PDE4A: variants seen among roughly 807,000 people sequenced by gnomAD.
PDE4A encodes the protein 3',5'-cyclic-AMP phosphodiesterase 4A.
A neutral mutation model predicts 73.9 loss-of-function variants in PDE4A; 21 were observed. The ratio of observed to expected loss-of-function variants is 0.28; its 90% CI spans 0.20 to 0.41. The LOEUF is 0.41. Among genes scored for constraint, PDE4A ranks in the 10% least tolerant of loss-of-function variants. The pLI, the probability that PDE4A is intolerant of heterozygous loss-of-function variation, is 1.00. For missense variants in PDE4A, 958 were observed against 1,211.4 expected, an observed-to-expected ratio of 0.79 and a Z score of 3.10; for synonymous variants, 463 against 505.4, an observed-to-expected ratio of 0.92 and a Z score of 1.13.
chr19:10,466,444 CAAAAA>C (rs367836712), intron 14 of PDE4A, among the ~76,000 whole-genome samples: 3 of 63,474 alleles, frequency 4.7e-5, no homozygotes, highest in African/African-American at 1.8e-4. Context: ...GACTCCGTCT[CAAAAA>C]AAAAAAAAAA....
intron 1 of PDE4A, chr19:10,429,052 C>T (rs574669045): frequency 1.1e-5 from 2 of 178,612 alleles, no homozygotes; most frequent in African/African-American, 4.8e-5. Flanking sequence ...TTGCGGTGAG[C>T]CAAGATCGTG....
Position 10,427,605 on chromosome 19 carries a change from G to A in PDE4A, c.320+6521G>A, listed in dbSNP as rs1036011217. The A allele has an allele frequency of 3.0e-6, 3 of 985,260 alleles. No homozygotes were observed. In the African/African-American group the frequency reaches 5.2e-5, roughly 17 times the overall value. The allele number at this position is 985,260 out of a possible 1,614,324, so 61.0% of individuals were successfully genotyped here. A position where few individuals can be genotyped will look rare whatever the true frequency, so the allele number is the denominator to read the frequency against. On this transcript the variant is annotated intron_variant, in intron 1 of 14. Transcript: ENST00000380702. ...CTGGAAGGAAACTCATCCATAAAGG[G>A]CTTGTGTAGCCTCATGGCTAAAATT...
chr19:10,459,168 T>G (rs2043218574), intron 8 of PDE4A: 8 of 652,928 alleles, frequency 1.2e-5, no homozygotes, highest in Non-Finnish European at 2.0e-5. Flanking sequence ...GATCAAGTGC[T>G]TAGAGCAATA....
chr19:10,446,597 T>G (rs1183568739), intron 2 of PDE4A, among the ~76,000 whole-genome samples, 188 bp downstream of exon 2: 2 of 150,948 alleles, frequency 1.3e-5, no homozygotes, highest in African/African-American at 2.4e-5. Flanking sequence ...TTTTTTTTTT[T>G]CTTTTTTTCT....
intron 5 of PDE4A, 64 bp downstream of exon 5, chr19:10,450,716 C>T: frequency 1.3e-6 from 2 of 1,587,742 alleles, no homozygotes; most frequent in Non-Finnish European, 1.7e-6. Flanking sequence ...TCCCTCAGCC[C>T]CTTCCCCACC....
Position 10,423,069 on chromosome 19 carries a change from C to T in PDE4A, c.320+1985C>T, listed in dbSNP as rs1327480020. 1.1e-5 allele frequency: 11 copies of T among 983,258 alleles called. No individual in the cohort carries two copies. The East Asian group carries it at 8.0e-4, about 71-fold the overall frequency. The allele number at this position is 983,258 out of a possible 1,614,324, so 60.9% of individuals were successfully genotyped here. ...TCCATGCCAGGGACTTTTCCATATG[C>T]ATCCTCATCCCCAGTGCCCTGGGTA... is the stretch of plus-strand genomic sequence containing the variant. On this transcript the variant is annotated intron_variant, in intron 1 of 14. Coordinates refer to ENST00000380702, the MANE Select transcript of PDE4A (RefSeq NM_001111307.2).
Position 10,458,053 on chromosome 19 carries a change from A to T in PDE4A, c.1052A>T (p.Asn351Ile), listed in dbSNP as rs1253923527. ...LMHSNSLNNSNIPRFGVKTDQ... is the reference protein window; with the variant it reads ...LMHSNSLNNSIIPRFGVKTDQ... Reference sequence around the variant, plus strand: ...CATAGTAACAGCCTGAACAACTCTAACATTCCCCGATTTGGGGTGAAGACC... The same window carrying T: ...CATAGTAACAGCCTGAACAACTCTATCATTCCCCGATTTGGGGTGAAGACC... Residue 351 changes from asparagine to isoleucine, a missense_variant, in exon 8 of 15, where the codon AAC (asparagine) becomes ATC (isoleucine). Physicochemically the swap from Asn to Ile is moderately radical, Grantham distance 149. This residue lies in a region of PDE4A where 570 missense variants were observed against 827.7 expected (regional missense o/e 0.69). Transcript: ENST00000380702. This position sits in a 1 kb window ranked among gnomAD's most constrained non-coding sequence, Gnocchi z 4.6. 1 of 1,613,736 alleles carries T rather than the reference A, an allele frequency of 6.2e-7. No individual in the cohort carries two copies. The highest frequency in any genetic ancestry group is 8.5e-7 in the Non-Finnish European group (1 of 1,180,030).
In PDE4A at chr19:10,462,195, G is replaced by A. The variant is rs576392158; in HGVS notation, c.1743+196G>A. Among the ~76,000 whole-genome samples, 146 of 152,038 alleles carry A rather than the reference G, an allele frequency of 9.6e-4. 1 individual carries two copies. Among genetic ancestry groups the A allele is most frequent in the African/African-American group, 3.4e-3 (141 of 41,460 alleles). ...GTTGCCCAGGCTGGAATGCAATGGC[G>A]CCATCTTGGCTCACCACAACCTCCG... On this transcript the variant is annotated intron_variant, in intron 13 of 14. Transcript: ENST00000380702.
At position 10,455,183 on chromosome 19, in the gene PDE4A, C is replaced by T. The variant is rs147005641; in HGVS notation, c.877+261C>T. 1.5e-3 allele frequency among the ~76,000 whole-genome samples: 224 copies of T among 152,252 alleles called. 1 individual carries two copies. Among genetic ancestry groups the T allele is most frequent in the African/African-American group, 5.1e-3 (212 of 41,550 alleles). ...CTAAACTTTAAAAAGCCTCCAAGCG[C>T]CGGGCGCGGTGGCTCACGCCTGTAA... On this transcript the variant is annotated intron_variant, in intron 7 of 14. Coordinates refer to ENST00000380702, the MANE Select transcript of PDE4A (RefSeq NM_001111307.2).
At chr19:10,452,970 C>T in intron 6 of PDE4A, 1 of 1,233,956 alleles carries the variant, frequency 8.1e-7, no homozygotes, top group South Asian at 2.2e-5. Context: ...GCAGCCTCCT[C>T]CTGGGACCCT....
intron 1 of PDE4A, chr19:10,431,120 C>G (rs752244702): frequency 7.1e-7 from 1 of 1,412,720 alleles, no homozygotes; most frequent in South Asian, 1.4e-5. Context: ...GGGTTCAAGT[C>G]GCCCCTGGCC....
At chr19:10,417,366 T>G (rs1352897573), upstream of PDE4A, 26 of 984,508 alleles carry the variant, frequency 2.6e-5, no homozygotes, top group Admixed American at 1.6e-3. Context: ...CCTAAAAAGG[T>G]GATGTGTTAG....
chr19:10,443,968 CT>C (rs2042971107), intron 1 of PDE4A, among the ~76,000 whole-genome samples: 1 of 144,856 alleles, frequency 6.9e-6, no homozygotes, highest in Admixed American at 7.0e-5. Context: ...GATCGCATCA[CT>C]GGACTCCAGT....
rs34169084 is a variant in PDE4A, at chr19:10,447,217, CTTTTTTTTTT to C, written c.512+825_512+834del. Among the ~76,000 whole-genome samples, 15 of 59,216 alleles carry C rather than the reference CTTTTTTTTTT, an allele frequency of 2.5e-4. No homozygotes were observed. In the South Asian group the frequency reaches 3.8e-3, roughly 15 times the overall value. 38.8% of individuals were successfully genotyped at this position (59,216 alleles called of 152,430 possible). On this transcript the variant is annotated intron_variant, in intron 2 of 14. Coordinates refer to ENST00000380702, the MANE Select transcript of PDE4A (RefSeq NM_001111307.2). ...GCCTGGCCTCAGTTCCTTTTTTTCT[CTTTTTTTTTT>C]TTTTTTTTTTTTTTTTGAGACAGAA...
chr19:10,449,837 T>G (rs1031406402), intron 4 of PDE4A, among the ~76,000 whole-genome samples: 3 of 151,870 alleles, frequency 2.0e-5, no homozygotes, highest in African/African-American at 7.3e-5. Flanking sequence ...GGCTCATGCC[T>G]GTAATCCAGC....
At chr19:10,419,266 C>T (rs2042618401), upstream of PDE4A, among the ~76,000 whole-genome samples, 1 of 144,460 alleles carries the variant, frequency 6.9e-6, no homozygotes, top group South Asian at 2.3e-4. Context: ...GCGTGCACTC[C>T]CCCCGCCCAG....
intron 7 of PDE4A, 160 bp from the exon 8 acceptor site, chr19:10,457,719 C>T: frequency 1.1e-6 from 1 of 914,158 alleles, no homozygotes; most frequent in Non-Finnish European, 1.3e-6. Flanking sequence ...CCCACATCCC[C>T]TCTGGTTTCC....
chr19:10,437,598 T>G (rs2145492278), intron 1 of PDE4A, among the ~76,000 whole-genome samples: 1 of 151,864 alleles, frequency 6.6e-6, no homozygotes, highest in South Asian at 2.1e-4. Flanking sequence ...TTAAATTTTT[T>G]GTAGAGACAG....
chr19:10,453,013 C>T lies in PDE4A; in HGVS notation c.784-1816C>T, dbSNP rs2043116209. 1 of 1,315,086 alleles carries T rather than the reference C, an allele frequency of 7.6e-7. No homozygotes were observed. Among genetic ancestry groups the T allele is most frequent in the South Asian group, 1.9e-5 (1 of 53,136 alleles). The allele number at this position is 1,315,086 out of a possible 1,614,324, so 81.5% of individuals were successfully genotyped here. ...CCCCCCTCCCATGGGCACGGACCCC[C>T]CACCGCCTCCACCCACTGCCGCGGG... is the stretch of plus-strand genomic sequence containing the variant. On this transcript the variant is annotated intron_variant, in intron 6 of 14. Coordinates refer to ENST00000380702, the MANE Select transcript of PDE4A (RefSeq NM_001111307.2). This position sits in a 1 kb window ranked among gnomAD's most constrained non-coding sequence, Gnocchi z 4.6.
Sources: allele counts gnomAD v4.1 joint callset (sites outside exome capture counted in the v4.1 genomes callset), GRCh38; gene constraint gnomAD v4.1.1; regional missense constraint gnomAD v4.1.1; non-coding constraint Gnocchi (gnomAD v3.1); transcripts MANE v1.5; gene names NCBI Gene and HGNC (gene_info 2026-07-23, HGNC 2026-07-21).